Variants in SYT6 observed in about 807,000 individuals in gnomAD.
SYT6 encodes the protein synaptotagmin-6.
SYT6 carries 24 observed loss-of-function variants against 38.4 expected under a neutral mutation model. The ratio of observed to expected loss-of-function variants is 0.62; its 90% CI spans 0.45 to 0.88. The LOEUF is 0.88. SYT6 is among the 40% of genes least tolerant of loss of function. SYT6 has a pLI of 0.00. For synonymous variants in SYT6, 265 were observed against 241.9 expected, an observed-to-expected ratio of 1.10 and a Z score of -0.89; for missense variants, 611 against 621.0, an observed-to-expected ratio of 0.98 and a Z score of 0.17.
intron 3 of SYT6, among the ~76,000 whole-genome samples, chr1:114,135,671 G>A (rs930760816): frequency 6.6e-6 from 1 of 152,220 alleles, no homozygotes; most frequent in Non-Finnish European, 1.5e-5. Context: ...CTTGGGCACA[G>A]ACTGCCTGCC....
At chr1:114,138,120 AC>A in intron 2 of SYT6, 67 bp from the exon 3 acceptor site, 1 of 1,475,910 alleles carries the variant, frequency 6.8e-7, no homozygotes, top group Non-Finnish European at 9.1e-7. Flanking sequence ...ATGAAGGCAA[AC>A]ACGAGCCTGG....
chr1:114,148,759 C>T (rs10776778), intron 1 of SYT6, among the ~76,000 whole-genome samples: 43,232 of 152,014 alleles, frequency 0.28, 6,629 homozygotes, highest in Middle Eastern at 0.43. Flanking sequence ...TTCTAGCCTC[C>T]CTAAGAAATT....
intron 3 of SYT6, among the ~76,000 whole-genome samples, chr1:114,130,746 T>C (rs1352983731): frequency 6.6e-6 from 1 of 152,188 alleles, no homozygotes; most frequent in African/African-American, 2.4e-5. Flanking sequence ...AGGACCCAAG[T>C]ATGTTCTTTG....
At position 114,105,530 on chromosome 1, in the gene SYT6, G is replaced by T. The variant is rs530790214; in HGVS notation, c.1072-1809C>A. On this transcript the variant is annotated intron_variant, in intron 3 of 7. Coordinates refer to ENST00000610222, the MANE Select transcript of SYT6 (RefSeq NM_001253772.2). ...CCCAGGAAGGGCCTGGCTGGGGCCAGGGCGGGGCACACTGTGGAGACAGCC... is the reference window on the plus strand; with the variant it reads ...CCCAGGAAGGGCCTGGCTGGGGCCATGGCGGGGCACACTGTGGAGACAGCC... Among the ~76,000 whole-genome samples, 49 of 151,770 alleles carry T rather than the reference G, an allele frequency of 3.2e-4. 1 individual carries two copies. In the South Asian group the frequency reaches 1.0e-2, roughly 31 times the overall value.
chr1:114,103,746 A>G, intron 3 of SYT6, 25 bp from the exon 4 acceptor site: 1 of 1,608,842 alleles, frequency 6.2e-7, no homozygotes. Flanking sequence ...ACAAGAGGGC[A>G]GATGAGGGGC....
rs577843874 is a variant in SYT6 at position 114,092,756 on chromosome 1, G to A, written c.*52-674C>T. ...GGGTGATGTAATGAGGCGTAATGGA[G>A]TGAAGGACAGGGCTGAGGCTGGGTG... On this transcript the variant is annotated intron_variant, in intron 7 of 7. Coordinates refer to ENST00000610222, the MANE Select transcript of SYT6 (RefSeq NM_001253772.2). Among the ~76,000 whole-genome samples, 232 of 152,322 alleles carry A rather than the reference G, an allele frequency of 1.5e-3. 1 individual carries two copies. Among genetic ancestry groups the A allele is most frequent in the Non-Finnish European group, 2.6e-3 (178 of 68,024 alleles).
chr1:114,130,582 T>A (rs1350001784), intron 3 of SYT6, among the ~76,000 whole-genome samples: 2 of 152,198 alleles, frequency 1.3e-5, no homozygotes, highest in Non-Finnish European at 2.9e-5. Context: ...CTCGCTTCAA[T>A]ACTCACCTCC....
At chr1:114,097,375 C>T (rs1337903319) in intron 6 of SYT6, among the ~76,000 whole-genome samples, 2 of 152,246 alleles carry the variant, frequency 1.3e-5, no homozygotes, top group South Asian at 2.1e-4. Flanking sequence ...TCTTGCCAAG[C>T]TCTGATCTCA....
chr1:114,104,030 A>G (rs537093737), intron 3 of SYT6, among the ~76,000 whole-genome samples: 1 of 152,312 alleles, frequency 6.6e-6, no homozygotes, highest in East Asian at 1.9e-4. Context: ...CCTTGGCTGC[A>G]GCCTCAAACC....
intron 6 of SYT6, among the ~76,000 whole-genome samples, chr1:114,095,543 G>A (rs1388404154): frequency 6.6e-6 from 1 of 152,214 alleles, no homozygotes; most frequent in Non-Finnish European, 1.5e-5. Context: ...CACAAGATGG[G>A]GGCTCACGGG....
At chr1:114,139,574 G>A (rs761196360) in intron 2 of SYT6, 41 bp downstream of exon 2, 3 of 1,611,862 alleles carry the variant, frequency 1.9e-6, no homozygotes, top group East Asian at 2.2e-5. Context: ...AAGGGAGTGT[G>A]GAGGTGTGGG....
chr1:114,140,332 T>C (rs146983404), intron 1 of SYT6, among the ~76,000 whole-genome samples: 27 of 150,964 alleles, frequency 1.8e-4, no homozygotes, highest in African/African-American at 5.8e-4. Context: ...AATGTGCAAA[T>C]TTGTGAAGGA....
At chr1:114,120,172 C>T (rs976524676) in intron 3 of SYT6, among the ~76,000 whole-genome samples, 3 of 152,092 alleles carry the variant, frequency 2.0e-5, no homozygotes, top group Admixed American at 6.5e-5. Context: ...GTTGAAAAAC[C>T]GAAGGCATAG....
intron 3 of SYT6, among the ~76,000 whole-genome samples, chr1:114,109,959 G>A (rs1382748319): frequency 6.6e-6 from 1 of 152,366 alleles, no homozygotes; most frequent in East Asian, 1.9e-4. Flanking sequence ...GGGGCAGGGA[G>A]TGTTCGGGGC....
intron 1 of SYT6, among the ~76,000 whole-genome samples, chr1:114,151,454 A>C (rs1269440563): frequency 6.6e-6 from 1 of 152,108 alleles, no homozygotes; most frequent in Non-Finnish European, 1.5e-5. Context: ...CTGGCCATCC[A>C]GGCACCTGTC....
At chr1:114,132,487 T>C (rs1002302024) in intron 3 of SYT6, among the ~76,000 whole-genome samples, 1 of 152,184 alleles carries the variant, frequency 6.6e-6, no homozygotes, top group African/African-American at 2.4e-5. Context: ...TGTGAAAGCA[T>C]GAGAGCCAAG....
intron 3 of SYT6, among the ~76,000 whole-genome samples, chr1:114,136,235 G>T (rs7527134): frequency 0.12 from 18,257 of 152,174 alleles, 1,166 homozygotes; most frequent in Middle Eastern, 0.14. Context: ...ACCAGAGCAG[G>T]GCTGATTTTC....
chr1:114,135,313 C>A (rs1678410652), intron 3 of SYT6, among the ~76,000 whole-genome samples: 2 of 152,266 alleles, frequency 1.3e-5, no homozygotes, highest in South Asian at 4.2e-4. Flanking sequence ...CTCTAAGGAT[C>A]CTGCAACCAT....
chr1:114,096,106 T>G, intron 6 of SYT6, among the ~76,000 whole-genome samples: 2 of 151,290 alleles, frequency 1.3e-5, no homozygotes, highest in African/African-American at 4.9e-5. Context: ...GGAGGAGGGG[T>G]GGTGGGGTGG....
Sources: gnomAD v4.1 joint callset for allele counts (sites outside exome capture counted in the v4.1 genomes callset) on GRCh38, gnomAD v4.1.1 for gene constraint, MANE v1.5 for transcripts, NCBI Gene and HGNC (gene_info 2026-07-23, HGNC 2026-07-21) for gene names.